The following SCD5 variants were observed in gnomAD, a reference collection of about 807,000 sequenced individuals.
SCD5 encodes stearoyl-CoA desaturase 5.
SCD5 carries 20 observed loss-of-function variants against 30.4 expected under a neutral mutation model. That is an observed-to-expected ratio of 0.66 (90% CI 0.46 to 0.96). The LOEUF (loss-of-function observed/expected upper bound fraction) is 0.96. Among genes scored for constraint, SCD5 ranks in the 40% least tolerant of loss-of-function variants. The pLI, the probability that SCD5 is intolerant of heterozygous loss-of-function variation, is 0.00. For missense variants in SCD5, 381 were observed against 443.3 expected, an observed-to-expected ratio of 0.86 and a Z score of 1.26; for synonymous variants, 173 against 176.4, an observed-to-expected ratio of 0.98 and a Z score of 0.16.
chr4:82,777,430 A>C (rs1273877784), intron 1 of SCD5, among the ~76,000 whole-genome samples: 1 of 152,254 alleles, frequency 6.6e-6, no homozygotes, highest in Non-Finnish European at 1.5e-5. Flanking sequence ...CCTATGGTTT[A>C]GTCAATTCCC....
At chr4:82,749,166 A>T (rs1239022176) in intron 1 of SCD5, among the ~76,000 whole-genome samples, 1 of 152,250 alleles carries the variant, frequency 6.6e-6, no homozygotes, top group African/African-American at 2.4e-5. Flanking sequence ...AAAGAATGAT[A>T]AATTTGTGAA....
At chr4:82,782,866 A>C (rs1721902558) in intron 1 of SCD5, among the ~76,000 whole-genome samples, 1 of 152,218 alleles carries the variant, frequency 6.6e-6, no homozygotes, top group African/African-American at 2.4e-5. Flanking sequence ...GTCAACCCTA[A>C]GGAATCTGGG....
At chr4:82,672,474 C>T (rs1360366426) in intron 3 of SCD5, among the ~76,000 whole-genome samples, 1 of 152,018 alleles carries the variant, frequency 6.6e-6, no homozygotes, top group African/African-American at 2.4e-5. Context: ...CATTGAAAGG[C>T]ACAATCTACC....
At chr4:82,638,283 C>A (rs1727473649) in intron 3 of SCD5, among the ~76,000 whole-genome samples, 2 of 151,866 alleles carry the variant, frequency 1.3e-5, no homozygotes, top group African/African-American at 4.8e-5. Flanking sequence ...CCTGCCCTGC[C>A]CCCCCAAAAA....
At chr4:82,713,936 C>T (rs902791736) in intron 1 of SCD5, among the ~76,000 whole-genome samples, 3 of 152,214 alleles carry the variant, frequency 2.0e-5, no homozygotes, top group African/African-American at 7.2e-5. Flanking sequence ...GCTCCGCCAC[C>T]TCTACCTACC....
chr4:82,685,665 T>TTC (rs1359773024), intron 2 of SCD5, among the ~76,000 whole-genome samples: 3 of 149,464 alleles, frequency 2.0e-5, no homozygotes, highest in African/African-American at 7.4e-5. Context: ...GTGAGCGAGA[T>TTC]CACACCACTG....
chr4:82,649,819 A>G (rs765331922), intron 3 of SCD5, among the ~76,000 whole-genome samples: 1 of 152,254 alleles, frequency 6.6e-6, no homozygotes, highest in Non-Finnish European at 1.5e-5. Context: ...AAACATCCAC[A>G]TCTTTGTAGG....
chr4:82,714,307 C>T (rs966408104), intron 1 of SCD5, among the ~76,000 whole-genome samples: 1 of 152,198 alleles, frequency 6.6e-6, no homozygotes, highest in Non-Finnish European at 1.5e-5. Context: ...CTCTCTTAAA[C>T]CCACTCAATC....
chr4:82,686,642 C>T (rs1728712041), intron 2 of SCD5, among the ~76,000 whole-genome samples: 1 of 151,924 alleles, frequency 6.6e-6, no homozygotes, highest in Non-Finnish European at 1.5e-5. Flanking sequence ...TGTGTGTATA[C>T]ATATACAATA....
At chr4:82,720,096 TA>T (rs1449548868) in intron 1 of SCD5, among the ~76,000 whole-genome samples, 2 of 152,018 alleles carry the variant, frequency 1.3e-5, no homozygotes, top group Non-Finnish European at 2.9e-5. Flanking sequence ...ACCCTGAGTA[TA>T]AATGAATTAC....
In SCD5 at chr4:82,695,167, G is replaced by A. The variant is rs887116702; in HGVS notation, c.363+10116C>T. Among the ~76,000 whole-genome samples, 3 of 152,040 alleles carry A rather than the reference G, an allele frequency of 2.0e-5. No homozygotes were observed. The South Asian group carries it at 6.2e-4, about 32-fold the overall frequency. ...AACTTGGGGTGGACACAGAGGACTG[G>A]TGTGCAAGGCCCTGATCACGCAGGG... On this transcript the variant is annotated intron_variant, in intron 2 of 4. Coordinates refer to ENST00000319540, the MANE Select transcript of SCD5 (RefSeq NM_001037582.3).
At chr4:82,776,772 T>C (rs1448047765) in intron 1 of SCD5, among the ~76,000 whole-genome samples, 1 of 152,214 alleles carries the variant, frequency 6.6e-6, no homozygotes, top group Non-Finnish European at 1.5e-5. Flanking sequence ...ATTTTGTCTA[T>C]GTAACAATGG....
chr4:82,798,594 C>T lies in SCD5; in HGVS notation c.-57G>A. 2 of 1,464,940 alleles carry T rather than the reference C, an allele frequency of 1.4e-6. No homozygotes were observed. The highest frequency in any genetic ancestry group is 4.1e-4 in the Middle Eastern group (2 of 4,882). The allele number at this position is 1,464,940 out of a possible 1,614,324, so 90.7% of individuals were successfully genotyped here. ...CAGGCAGGCAGGCGCTCTGCCCGAG[C>T]GGAGCTCGAGGGTGGGGGCGGGGGC... On this transcript the variant is annotated 5_prime_UTR_variant, in exon 1 of 5. Transcript: ENST00000319540.
chr4:82,727,102 T>G (rs1416777660), intron 1 of SCD5, among the ~76,000 whole-genome samples: 1 of 152,198 alleles, frequency 6.6e-6, no homozygotes, highest in African/African-American at 2.4e-5. Context: ...TGGGTTCATA[T>G]CTAAGTAAGG....
At chr4:82,660,208 CA>C (rs1360046935) in intron 3 of SCD5, 8 of 153,206 alleles carry the variant, frequency 5.2e-5, no homozygotes, top group Admixed American at 3.9e-4. Context: ...CTTAGACTCC[CA>C]TATAATAATA....
intron 1 of SCD5, among the ~76,000 whole-genome samples, 190 bp from the exon 2 acceptor site, chr4:82,705,603 G>C (rs555371315): frequency 6.6e-6 from 1 of 152,350 alleles, no homozygotes; most frequent in Admixed American, 6.5e-5. Context: ...CCATGCATAA[G>C]CAGAGAACTT....
chr4:82,699,996 C>T (rs1719783422), intron 2 of SCD5, among the ~76,000 whole-genome samples: 1 of 151,858 alleles, frequency 6.6e-6, no homozygotes, highest in African/African-American at 2.4e-5. Context: ...GCAGGTGGAT[C>T]ACTTGAGGCC....
intron 3 of SCD5, among the ~76,000 whole-genome samples, chr4:82,674,781 T>C (rs1326148668): frequency 6.6e-6 from 1 of 152,186 alleles, no homozygotes; most frequent in Admixed American, 6.5e-5. Flanking sequence ...ATTTTGGTCA[T>C]TATTCAGCAC....
chr4:82,680,596 G>T (rs1728545841), intron 3 of SCD5, 111 bp downstream of exon 3: 1 of 975,938 alleles, frequency 1.0e-6, no homozygotes, highest in Non-Finnish European at 1.5e-6. Context: ...TGGCAAAATT[G>T]TTAGGGCAAA....
Sources: allele counts gnomAD v4.1 joint callset (sites outside exome capture counted in the v4.1 genomes callset), GRCh38; gene constraint gnomAD v4.1.1; transcripts MANE v1.5; gene names NCBI Gene and HGNC (gene_info 2026-07-23, HGNC 2026-07-21).